The following SH3TC1 variants were observed in gnomAD, a reference collection of about 807,000 sequenced individuals.
SH3TC1 encodes SH3 domain and tetratricopeptide repeat-containing protein 1.
SH3TC1 carries 135 observed loss-of-function variants against 117.3 expected under a neutral mutation model. That is an observed-to-expected ratio of 1.15 (90% CI 1.00 to 1.33). The LOEUF (loss-of-function observed/expected upper bound fraction) is 1.33. Among genes scored for constraint, SH3TC1 ranks in the 40% most tolerant of loss-of-function variants. The probability of loss-of-function intolerance (pLI) is 0.00; values close to 1 mark genes in which losing one functional copy is unlikely to be tolerated. For synonymous variants in SH3TC1, 898 were observed against 816.9 expected, an observed-to-expected ratio of 1.10 and a Z score of -1.69; for missense variants, 2,092 against 1,794.3, an observed-to-expected ratio of 1.17 and a Z score of -3.00.
At chr4:8,238,103 C>T (rs78234724) in intron 17 of SH3TC1, among the ~76,000 whole-genome samples, 5,208 of 152,282 alleles carry the variant, frequency 0.034, 112 homozygotes, top group Middle Eastern at 0.088. Context: ...CAAATCCTGG[C>T]GCCTCTGCTA....
chr4:8,201,887 T>G (rs1486286420), intron 1 of SH3TC1, among the ~76,000 whole-genome samples: 3 of 151,718 alleles, frequency 2.0e-5, no homozygotes, highest in Non-Finnish European at 4.4e-5. Flanking sequence ...CATCAGCCAG[T>G]GGATGGAGAG....
At position 8,241,050 on chromosome 4, in the gene SH3TC1, A is replaced by C; in HGVS notation, c.*95A>C. The C allele has an allele frequency of 6.5e-7, 1 of 1,528,112 alleles. No individual in the cohort carries two copies. The highest frequency in any genetic ancestry group is 1.2e-5 in the South Asian group (1 of 83,492). 94.7% of individuals were successfully genotyped at this position (1,528,112 alleles called of 1,614,324 possible). A position where few individuals can be genotyped will look rare whatever the true frequency, so the allele number is the denominator to read the frequency against. The stretch of plus-strand genomic sequence containing the variant: ...GGCTCATTTTCTGGCAAATGGAGGC[A>C]CGAACGCAGGGGCCAAATAGCAATA... On this transcript the variant is annotated 3_prime_UTR_variant, in exon 18 of 18. Transcript: ENST00000245105.
At chr4:8,195,808 G>C (rs1190812020), upstream of SH3TC1, among the ~76,000 whole-genome samples, 1 of 152,058 alleles carries the variant, frequency 6.6e-6, no homozygotes, top group East Asian at 1.9e-4. Flanking sequence ...TGAGTCTCAG[G>C]TCACAGATGG....
intron 12 of SH3TC1, among the ~76,000 whole-genome samples, chr4:8,230,777 G>C (rs1242070116): frequency 2.5e-5 from 3 of 120,852 alleles, no homozygotes; most frequent in Non-Finnish European, 3.4e-5. Context: ...TTTTTGATAT[G>C]CTGTGCTTTT....
At position 8,225,011 on chromosome 4, in the gene SH3TC1, C is replaced by G. The variant is rs1720328279; in HGVS notation, c.1244-164C>G. 1 of 812,454 alleles carries G rather than the reference C, an allele frequency of 1.2e-6. No homozygotes were observed. 50.3% of individuals were successfully genotyped at this position (812,454 alleles called of 1,614,324 possible). ...CACCTCAGCCTGCAACACCTGCACC[C>G]TGCAACACTCCAGCCCGCAACACCA... is the stretch of plus-strand genomic sequence containing the variant. On this transcript the variant is annotated intron_variant, in intron 10 of 17. Coordinates refer to ENST00000245105, the MANE Select transcript of SH3TC1 (RefSeq NM_018986.5). The surrounding 1 kb of genome is among the most constrained non-coding windows in gnomAD (Gnocchi z 5.5).
Position 8,236,267 on chromosome 4 carries a change from C to T in SH3TC1, c.3406-11C>T. 6.5e-7 allele frequency: 1 copy of T among 1,542,246 alleles called. No individual in the cohort carries two copies. Among genetic ancestry groups the T allele is most frequent in the Non-Finnish European group, 8.8e-7 (1 of 1,142,610 alleles). On this transcript the variant is annotated splice_polypyrimidine_tract_variant and intron_variant, in intron 15 of 17. Transcript: ENST00000245105. ...CTGCGGGAAGCCTGACCCCACCTGC[C>T]TGTGTGGCAGGACCGGGCCCTGCCC...
chr4:8,212,985 C>G, intron 4 of SH3TC1, 157 bp downstream of exon 4: 3 of 998,760 alleles, frequency 3.0e-6, no homozygotes, highest in Non-Finnish European at 4.3e-6. Flanking sequence ...GGCTGTGATA[C>G]CCAGTGGGTG....
intron 13 of SH3TC1, 117 bp from the exon 14 acceptor site, chr4:8,233,246 A>C (rs747976388): frequency 9.0e-5 from 131 of 1,462,662 alleles, no homozygotes; most frequent in Non-Finnish European, 1.1e-4. Context: ...CACTGCACAC[A>C]CAAGAGGGCC....
At chr4:8,236,018 G>C in intron 15 of SH3TC1, 1 of 516,548 alleles carries the variant, frequency 1.9e-6, no homozygotes, top group Middle Eastern at 5.1e-4. Context: ...GAGGAGTGCA[G>C]GCTCCCCCCA....
chr4:8,235,333 AGTGT>A (rs1315363301), intron 14 of SH3TC1, 96 bp from the exon 15 acceptor site: 2 of 1,347,328 alleles, frequency 1.5e-6, no homozygotes, highest in Non-Finnish European at 1.9e-6. Context: ...TTGCACCTGC[AGTGT>A]GTGAGAGGAA....
intron 10 of SH3TC1, among the ~76,000 whole-genome samples, 153 bp downstream of exon 10, chr4:8,223,123 C>T (rs1387919798): frequency 6.6e-6 from 1 of 152,240 alleles, no homozygotes; most frequent in South Asian, 2.1e-4. Flanking sequence ...CACATAGGGG[C>T]TGCAGACAAG....
Position 8,238,429 on chromosome 4 carries a change from G to A in SH3TC1, c.3753+759G>A, listed in dbSNP as rs571433811. Among the ~76,000 whole-genome samples the A allele has an allele frequency of 1.4e-3, 215 of 152,308 alleles. 1 individual carries two copies. The highest frequency in any genetic ancestry group is 4.9e-3 in the African/African-American group (205 of 41,570). On this transcript the variant is annotated intron_variant, in intron 17 of 17. Transcript: ENST00000245105. ...ATGTCCCCACCCCCTTGCCCAGCAG[G>A]CGCCCGCCCCTACTCAGCATCACAC...
In SH3TC1 at chr4:8,216,986, C is replaced by A. The variant is rs749041537; in HGVS notation, c.658C>A (p.His220Asn). The A allele has an allele frequency of 7.4e-6, 12 of 1,613,900 alleles. No homozygotes were observed. Among genetic ancestry groups the A allele is most frequent in the Non-Finnish European group, 1.0e-5 (12 of 1,179,950 alleles). Residue 220 changes from histidine (H) to asparagine (N), a missense_variant, in exon 7 of 18, where the codon CAT becomes AAT. Coordinates refer to ENST00000245105, the MANE Select transcript of SH3TC1 (RefSeq NM_018986.5). ...CTTCTTTGTCCTGTGTCCTGACCACCATGTGAGAGTGATGACGGGTCCCCG... is the reference window on the plus strand; with the variant it reads ...CTTCTTTGTCCTGTGTCCTGACCACAATGTGAGAGTGATGACGGGTCCCCG... ...GPFFVLCPDH[H>N]VRVMTGPRDA...
chr4:8,239,305 A>G (rs199909026), intron 17 of SH3TC1, among the ~76,000 whole-genome samples: 8 of 86,960 alleles, frequency 9.2e-5, no homozygotes, highest in East Asian at 8.6e-4. Context: ...ACATGAGCAC[A>G]CACAGGCACA....
Position 8,219,508 on chromosome 4 carries a change from A to G in SH3TC1, c.1090A>G (p.Ser364Gly). The G allele has an allele frequency of 6.3e-7, 1 of 1,579,638 alleles. No homozygotes were observed. The highest frequency in any genetic ancestry group is 8.6e-7 in the Non-Finnish European group (1 of 1,157,488). The change falls in exon 9 of 18, where the codon AGC becomes GGC. Residue 364 changes from serine (S) to glycine (G), a missense_variant. Physicochemically the swap from Ser to Gly is moderately conservative, Grantham distance 56. Coordinates refer to ENST00000245105, the MANE Select transcript of SH3TC1 (RefSeq NM_018986.5). ...RVGFVRSSLISMQGPVSELES... is the reference protein window; with the variant it reads ...RVGFVRSSLIGMQGPVSELES... The stretch of plus-strand genomic sequence containing the variant: ...GGGGTTTGTGCGGAGCAGCCTCATC[A>G]GCATGCAGGGCCCCGTGTCCGAGTG...
chr4:8,227,520 G>A lies in SH3TC1; in HGVS notation c.1826G>A (p.Ser609Asn), dbSNP rs1199583994. 1.9e-6 allele frequency: 3 copies of A among 1,540,810 alleles called. No individual in the cohort carries two copies. Among genetic ancestry groups the A allele is most frequent in the Non-Finnish European group, 2.6e-6 (3 of 1,149,144 alleles). Residue 609 changes from serine (S) to asparagine (N), a missense_variant, in exon 12 of 18, where the codon AGC (serine) becomes AAC (asparagine). Transcript: ENST00000245105. ...GTGGCTGTGTACGCCAACCTGGCCA[G>A]CATTTACCGGAAGCAGAAGAACCGG... is the stretch of plus-strand genomic sequence containing the variant. The part of the protein sequence containing the change: ...LVVAVYANLA[S>N]IYRKQKNREK...
intron 12 of SH3TC1, chr4:8,231,315 G>C (rs1721183322): frequency 6.5e-6 from 1 of 152,748 alleles, no homozygotes; most frequent in African/African-American, 2.4e-5. Context: ...CACGTGGCCT[G>C]TCTTGGGGAA....
At chr4:8,236,470 G>C (rs1038259246) in intron 16 of SH3TC1, 42 bp downstream of exon 16, 1 of 1,422,936 alleles carries the variant, frequency 7.0e-7, no homozygotes, top group African/African-American at 1.5e-5. Flanking sequence ...CCCACACTTT[G>C]CCAGAGCTCA....
chr4:8,187,939 C>G (rs1229231528), intron 1 of SH3TC1, among the ~76,000 whole-genome samples: 1 of 152,188 alleles, frequency 6.6e-6, no homozygotes, highest in Non-Finnish European at 1.5e-5. Context: ...CCACTGGGAG[C>G]TCTTTCAGTT....
Sources: allele counts gnomAD v4.1 joint callset (sites outside exome capture counted in the v4.1 genomes callset), GRCh38; gene constraint gnomAD v4.1.1; non-coding constraint Gnocchi (gnomAD v3.1); transcripts MANE v1.5; gene names NCBI Gene and HGNC (gene_info 2026-07-23, HGNC 2026-07-21).